ERCC8: variants seen among roughly 807,000 people sequenced by gnomAD.
ERCC8 encodes the protein DNA excision repair protein ERCC-8.
Under a neutral mutation model 54.9 loss-of-function variants are expected in ERCC8, and 52 were observed. That is an observed-to-expected ratio of 0.95 (90% CI 0.76 to 1.19). ERCC8 has a LOEUF of 1.19. ERCC8 is among the 50% of genes most tolerant of loss of function. ERCC8 has a pLI of 0.00. For missense variants in ERCC8, 514 were observed against 466.1 expected (o/e 1.10, Z -0.95); for synonymous variants, 146 against 157.2 (o/e 0.93, Z 0.53).
At chr5:60,893,724 G>A (rs1748639211) in intron 9 of ERCC8, 6 of 422,558 alleles carry the variant, frequency 1.4e-5, no homozygotes, top group South Asian at 3.5e-5. Flanking sequence ...GGCGGCGCCC[G>A]ACTCCGCCCA....
At chr5:60,909,161 C>A (rs1207967302) in intron 4 of ERCC8, among the ~76,000 whole-genome samples, 2 of 138,476 alleles carry the variant, frequency 1.4e-5, no homozygotes, top group African/African-American at 2.7e-5. Context: ...AGATGAGTTT[C>A]CAGATACCAT....
At chr5:60,936,932 AG>A (rs1270394537) in intron 1 of ERCC8, among the ~76,000 whole-genome samples, 16 of 152,316 alleles carry the variant, frequency 1.1e-4, no homozygotes, top group African/African-American at 3.8e-4. Context: ...CTGGGACTCA[AG>A]GGCTGCTCTG....
At chr5:60,883,474 A>G (rs6449509) in intron 11 of ERCC8, among the ~76,000 whole-genome samples, 130,533 of 151,838 alleles carry the variant, frequency 0.86, 56,534 homozygotes, top group African/African-American at 0.96. Context: ...CAGGTTGTCA[A>G]TTCTACTGAC....
intron 1 of ERCC8, among the ~76,000 whole-genome samples, chr5:60,933,207 C>CTTTTTTTCTTTTTTTTTTTTTTT (rs1749961417): frequency 8.4e-6 from 1 of 119,704 alleles, no homozygotes; most frequent in African/African-American, 3.0e-5. Context: ...GCATTTTTTC[C>CTTTTTTTCTTTTTTTTTTTTTTT]TTTTTTTTCT....
intron 1 of ERCC8, among the ~76,000 whole-genome samples, chr5:60,934,849 G>A (rs1225141927): frequency 5.9e-5 from 9 of 152,138 alleles, no homozygotes; most frequent in Admixed American, 5.9e-4. Flanking sequence ...GTTTTTGTTT[G>A]CTTTGCTGAA....
chr5:60,941,050 G>A (rs1039410085), intron 1 of ERCC8, among the ~76,000 whole-genome samples: 4 of 152,116 alleles, frequency 2.6e-5, no homozygotes, highest in South Asian at 2.1e-4. Context: ...ATGGTGGCCC[G>A]AGCCTGTAAT....
chr5:60,877,198 A>T (rs1291905836), intron 11 of ERCC8, among the ~76,000 whole-genome samples: 1 of 152,100 alleles, frequency 6.6e-6, no homozygotes, highest in African/African-American at 2.4e-5. Context: ...GTAGATATGC[A>T]GCATTACTTC....
intron 8 of ERCC8, among the ~76,000 whole-genome samples, 178 bp downstream of exon 8, chr5:60,899,446 TAAA>T (rs1169466087): frequency 1.3e-5 from 2 of 152,078 alleles, no homozygotes; most frequent in Non-Finnish European, 2.9e-5. Flanking sequence ...ATTTGTATCT[TAAA>T]GAAAGAGAAT....
chr5:60,884,879 G>C (rs1028170437), intron 11 of ERCC8, among the ~76,000 whole-genome samples: 3 of 151,964 alleles, frequency 2.0e-5, no homozygotes, highest in African/African-American at 7.3e-5. Flanking sequence ...AACTCAACTT[G>C]ATATTTGTAT....
At chr5:60,905,602 T>C (rs1302129234) in intron 4 of ERCC8, among the ~76,000 whole-genome samples, 2 of 152,218 alleles carry the variant, frequency 1.3e-5, no homozygotes, top group Non-Finnish European at 2.9e-5. Flanking sequence ...GTAAATATTT[T>C]AGGCTTTCAG....
intron 9 of ERCC8, among the ~76,000 whole-genome samples, chr5:60,897,930 A>G (rs532406692): frequency 3.3e-5 from 5 of 152,338 alleles, no homozygotes; most frequent in Admixed American, 2.6e-4. Flanking sequence ...AGATTTTCAG[A>G]TTAGGGATAC....
At chr5:60,879,358 G>C (rs1024633967) in intron 11 of ERCC8, among the ~76,000 whole-genome samples, 9 of 152,172 alleles carry the variant, frequency 5.9e-5, no homozygotes, top group African/African-American at 2.2e-4. Flanking sequence ...GATTTGGGGT[G>C]GAGAGTTCTG....
At chr5:60,920,883 T>C (rs1034562273) in intron 3 of ERCC8, among the ~76,000 whole-genome samples, 1 of 151,874 alleles carries the variant, frequency 6.6e-6, no homozygotes, top group African/African-American at 2.4e-5. Flanking sequence ...GTTAAAATGT[T>C]AGCTAGGATA....
chr5:60,895,478 C>G (rs776074387), intron 9 of ERCC8, among the ~76,000 whole-genome samples: 4 of 152,068 alleles, frequency 2.6e-5, no homozygotes, highest in Non-Finnish European at 5.9e-5. Flanking sequence ...TTAACCACTT[C>G]GTTTCATTCT....
chr5:60,894,827 T>C (rs1748674908), intron 9 of ERCC8, among the ~76,000 whole-genome samples: 1 of 152,124 alleles, frequency 6.6e-6, no homozygotes, highest in Admixed American at 6.6e-5. Context: ...GGAATCATGA[T>C]CATGCATATC....
chr5:60,889,874 T>C (rs959586521), intron 10 of ERCC8, among the ~76,000 whole-genome samples: 2 of 152,138 alleles, frequency 1.3e-5, no homozygotes, highest in African/African-American at 4.8e-5. Context: ...ACAAATGGGA[T>C]ATACCTTCTT....
At chr5:60,932,804 A>G (rs1472959553) in intron 1 of ERCC8, among the ~76,000 whole-genome samples, 5 of 152,138 alleles carry the variant, frequency 3.3e-5, no homozygotes, top group African/African-American at 1.2e-4. Context: ...ATAGGAGTAG[A>G]GGGAAAAGAG....
In ERCC8 at chr5:60,934,850, C is replaced by T. The variant is rs573796597; in HGVS notation, c.78-5891G>A. Among the ~76,000 whole-genome samples the T allele has an allele frequency of 1.2e-3, 183 of 152,270 alleles. 1 individual carries two copies. Among genetic ancestry groups the T allele is most frequent in the Admixed American group, 2.1e-3 (32 of 15,298 alleles). Reference sequence around the variant, plus strand: ...TTTCCCCACTTTAGGTTTTTGTTTGCTTTGCTGAAGATCAGCTAGCTGTAA... The same window carrying T: ...TTTCCCCACTTTAGGTTTTTGTTTGTTTTGCTGAAGATCAGCTAGCTGTAA... On this transcript the variant is annotated intron_variant, in intron 1 of 11. Coordinates refer to ENST00000676185, the MANE Select transcript of ERCC8 (RefSeq NM_000082.4).
At chr5:60,890,532 C>G (rs2112475677) in intron 10 of ERCC8, among the ~76,000 whole-genome samples, 1 of 152,260 alleles carries the variant, frequency 6.6e-6, no homozygotes, top group Non-Finnish European at 1.5e-5. Context: ...CATACATAAA[C>G]CAACATATAC....
Sources: allele counts gnomAD v4.1 joint callset (sites outside exome capture counted in the v4.1 genomes callset), GRCh38; gene constraint gnomAD v4.1.1; transcripts MANE v1.5; gene names NCBI Gene and HGNC (gene_info 2026-07-23, HGNC 2026-07-21).